The following CAPZB variants were observed in gnomAD, a reference collection of about 807,000 sequenced individuals.
CAPZB encodes the protein capping actin protein of muscle Z-line subunit beta, also known as F-actin-capping protein subunit beta.
Under a neutral mutation model 38.1 loss-of-function variants are expected in CAPZB, and 2 were observed. The observed-to-expected ratio is 0.05, with a 90% confidence interval of 0.02 to 0.17. CAPZB has a LOEUF of 0.17. CAPZB is among the 10% of genes least tolerant of loss of function. CAPZB has a pLI of 1.00. For synonymous variants in CAPZB, 107 were observed against 127.4 expected (o/e 0.84, Z 1.08); for missense variants, 161 against 334.2 (o/e 0.48, Z 4.04).
At position 19,349,270 on chromosome 1, in the gene CAPZB, A is replaced by G. The variant is rs549918104; in HGVS notation, c.589-4018T>C. ...GGACTGTGTGTTCTCCCAGACGTGAAGGTGGTTACTGTGCCTAGGCTCAGG... is the reference window on the plus strand; with the variant it reads ...GGACTGTGTGTTCTCCCAGACGTGAGGGTGGTTACTGTGCCTAGGCTCAGG... On this transcript the variant is annotated intron_variant, in intron 6 of 8. Transcript: ENST00000264202. Among the ~76,000 whole-genome samples the G allele has an allele frequency of 3.3e-5, 5 of 152,240 alleles. No homozygotes were observed. In the East Asian group the frequency reaches 7.7e-4, roughly 24 times the overall value.
chr1:19,343,477 GCTGGACTGCAGAGCGTGTT>G (rs1183473955), intron 8 of CAPZB, among the ~76,000 whole-genome samples: 6 of 152,244 alleles, frequency 3.9e-5, no homozygotes, highest in Admixed American at 3.9e-4. Context: ...ACACGGTGCT[GCTGGACTGCAGAGCGTGTT>G]CTAGATTCAT....
chr1:19,456,696 T>G (rs1043870458), intron 1 of CAPZB, among the ~76,000 whole-genome samples: 2 of 152,142 alleles, frequency 1.3e-5, no homozygotes, highest in African/African-American at 4.8e-5. Context: ...ACTATTTCAC[T>G]GGGGCTGCCC....
intron 6 of CAPZB, among the ~76,000 whole-genome samples, chr1:19,350,699 C>T (rs892250915): frequency 2.6e-5 from 4 of 152,154 alleles, no homozygotes; most frequent in Admixed American, 6.5e-5. Flanking sequence ...ACTGCAACCT[C>T]GGCCTCCCAG....
At chr1:19,437,629 G>A (rs1050995447) in intron 1 of CAPZB, among the ~76,000 whole-genome samples, 2 of 152,070 alleles carry the variant, frequency 1.3e-5, no homozygotes, top group African/African-American at 4.8e-5. Context: ...ATGGGCACGA[G>A]ACTCATTCCA....
intron 1 of CAPZB, among the ~76,000 whole-genome samples, chr1:19,476,366 A>G (rs1029739510): frequency 4.6e-5 from 7 of 152,176 alleles, no homozygotes; most frequent in Non-Finnish European, 2.9e-5. Flanking sequence ...CAGTGAGCCA[A>G]GATGGAACCA....
chr1:19,364,365 C>T (rs2094071444), intron 4 of CAPZB, among the ~76,000 whole-genome samples: 1 of 152,212 alleles, frequency 6.6e-6, no homozygotes, highest in South Asian at 2.1e-4. Context: ...CAAACTGCTG[C>T]TTACACACCT....
chr1:19,444,714 C>T (rs2094490502), intron 1 of CAPZB, among the ~76,000 whole-genome samples: 1 of 152,154 alleles, frequency 6.6e-6, no homozygotes, highest in Non-Finnish European at 1.5e-5. Context: ...TGTAAGATAG[C>T]TCCAAATTGG....
chr1:19,464,138 G>T (rs1262829292), intron 1 of CAPZB, among the ~76,000 whole-genome samples: 1 of 151,510 alleles, frequency 6.6e-6, no homozygotes, highest in African/African-American at 2.4e-5. Flanking sequence ...AGTGAGCCAA[G>T]ATCATGCCAC....
intron 1 of CAPZB, among the ~76,000 whole-genome samples, chr1:19,467,295 T>C (rs1257094876): frequency 6.6e-6 from 1 of 152,184 alleles, no homozygotes; most frequent in Non-Finnish European, 1.5e-5. Flanking sequence ...ACTGGGCTCA[T>C]TCCTGCAGTG....
In CAPZB at chr1:19,344,489, C is replaced by T. The variant is rs144123275; in HGVS notation, c.655-55G>A. On this transcript the variant is annotated intron_variant, in intron 7 of 8. Transcript: ENST00000264202. ...AAAAGGTCAGGAACCCTGAGGCCCA[C>T]GCCCTCCCTCCACCTGCCAGCCCTG... The T allele has an allele frequency of 1.2e-3, 1,670 of 1,356,078 alleles. 11 individuals carry two copies. In the African/African-American group the frequency reaches 0.02, roughly 16 times the overall value. The allele number at this position is 1,356,078 out of a possible 1,614,324, so 84.0% of individuals were successfully genotyped here. A position where few individuals can be genotyped will look rare whatever the true frequency, so the allele number is the denominator to read the frequency against.
At chr1:19,342,401 G>A (rs1035008285) in intron 8 of CAPZB, among the ~76,000 whole-genome samples, 4 of 152,256 alleles carry the variant, frequency 2.6e-5, no homozygotes, top group Non-Finnish European at 5.9e-5. Flanking sequence ...GGGGTGGACG[G>A]CAGGCAGATC....
At chr1:19,441,624 C>T (rs972957714) in intron 1 of CAPZB, among the ~76,000 whole-genome samples, 1 of 151,556 alleles carries the variant, frequency 6.6e-6, no homozygotes, top group African/African-American at 2.4e-5. Flanking sequence ...AGCATCACAT[C>T]ACATCTTTCC....
At chr1:19,453,060 C>T (rs533287007) in intron 1 of CAPZB, among the ~76,000 whole-genome samples, 1 of 151,958 alleles carries the variant, frequency 6.6e-6, no homozygotes, top group African/African-American at 2.4e-5. Context: ...CTGCCTCAGC[C>T]TCCCAAAGCA....
chr1:19,373,775 T>C (rs1258016089), intron 4 of CAPZB, among the ~76,000 whole-genome samples: 1 of 152,070 alleles, frequency 6.6e-6, no homozygotes, highest in Non-Finnish European at 1.5e-5. Context: ...CACTGTAACC[T>C]TGAACTCCTG....
chr1:19,455,002 CG>C (rs2094528475), intron 1 of CAPZB, among the ~76,000 whole-genome samples: 1 of 152,198 alleles, frequency 6.6e-6, no homozygotes, highest in African/African-American at 2.4e-5. Flanking sequence ...CACAGGACAC[CG>C]GTCCCGCAAA....
chr1:19,476,706 C>T (rs1489377273), intron 1 of CAPZB, among the ~76,000 whole-genome samples: 1 of 152,218 alleles, frequency 6.6e-6, no homozygotes, highest in African/African-American at 2.4e-5. Flanking sequence ...GACTATCTCG[C>T]CCTTTCAGCT....
At chr1:19,375,909 T>C (rs1267206132) in intron 4 of CAPZB, among the ~76,000 whole-genome samples, 4 of 152,086 alleles carry the variant, frequency 2.6e-5, no homozygotes, top group African/African-American at 4.8e-5. Flanking sequence ...GTTTTAATGA[T>C]AGTAGGGAAA....
intron 4 of CAPZB, among the ~76,000 whole-genome samples, chr1:19,370,453 G>A (rs369145100): frequency 3.3e-5 from 5 of 152,204 alleles, no homozygotes; most frequent in South Asian, 4.1e-4. Flanking sequence ...GCTCCATGAC[G>A]TCACACAGGA....
intron 2 of CAPZB, among the ~76,000 whole-genome samples, chr1:19,404,543 TAAAAAAA>T (rs11356951): frequency 3.9e-5 from 5 of 128,070 alleles, no homozygotes; most frequent in South Asian, 2.7e-4. Flanking sequence ...AACTCCATGT[TAAAAAAA>T]AAAAAAAAAA....
Sources: allele counts gnomAD v4.1 joint callset (sites outside exome capture counted in the v4.1 genomes callset), GRCh38; gene constraint gnomAD v4.1.1; transcripts MANE v1.5; gene names NCBI Gene and HGNC (gene_info 2026-07-23, HGNC 2026-07-21).